The following PIP5K1C variants were observed in gnomAD, a reference collection of about 807,000 sequenced individuals.
PIP5K1C encodes the protein phosphatidylinositol-4-phosphate 5-kinase type 1 gamma, also known as phosphatidylinositol 4-phosphate 5-kinase type-1 gamma.
A neutral mutation model predicts 80.1 loss-of-function variants in PIP5K1C; 45 were observed. That is an observed-to-expected ratio of 0.56 (90% CI 0.44 to 0.72). The LOEUF (loss-of-function observed/expected upper bound fraction) is 0.72, where lower values mean the gene tolerates loss of function less well. PIP5K1C is among the 30% of genes least tolerant of loss of function. The pLI is 0.00. For synonymous variants in PIP5K1C, 498 were observed against 420.1 expected, an observed-to-expected ratio of 1.19 and a Z score of -2.27; for missense variants, 753 against 954.6, an observed-to-expected ratio of 0.79 and a Z score of 2.78.
At chr19:3,656,598 G>C in intron 5 of PIP5K1C, 41 bp from the exon 6 acceptor site, 1 of 1,609,726 alleles carries the variant, frequency 6.2e-7, no homozygotes, top group Non-Finnish European at 8.5e-7. Context: ...CCAAGCTGCC[G>C]GACACACAGA....
At chr19:3,699,947 T>C (rs2036244947) in intron 1 of PIP5K1C, among the ~76,000 whole-genome samples, 1 of 151,936 alleles carries the variant, frequency 6.6e-6, no homozygotes. Flanking sequence ...CATCAGGAGG[T>C]GGGCACGCAC....
rs2036099451 is a variant in PIP5K1C at position 3,696,308 on chromosome 19, G to C, written c.94+3989C>G. Among the ~76,000 whole-genome samples the C allele has an allele frequency of 1.3e-5, 2 of 152,236 alleles. No individual in the cohort carries two copies. Among genetic ancestry groups the C allele is most frequent in the Admixed American group, 1.3e-4 (2 of 15,294 alleles). On this transcript the variant is annotated intron_variant, in intron 1 of 17. Coordinates refer to ENST00000335312, the MANE Select transcript of PIP5K1C (RefSeq NM_012398.3). This position sits in a 1 kb window ranked among gnomAD's most constrained non-coding sequence, Gnocchi z 4.1. ...TTCACCAGGATCTGCACTGTGCTGA[G>C]CTCTTCCGGGCGCAGGGGATGCCGC... is the stretch of plus-strand genomic sequence containing the variant.
Position 3,637,207 on chromosome 19 carries a change from G to C in PIP5K1C, c.1920+1677C>G. 4.9e-6 allele frequency: 7 copies of C among 1,434,572 alleles called. No individual in the cohort carries two copies. Among genetic ancestry groups the C allele is most frequent in the East Asian group, 2.5e-5 (1 of 39,822 alleles). 88.9% of individuals were successfully genotyped at this position (1,434,572 alleles called of 1,614,324 possible). ...CCACCCAAGACACCCTGACACGAGA[G>C]GGCTGGGTCCAGGGGCAGAGAGGGG... is the stretch of plus-strand genomic sequence containing the variant. On this transcript the variant is annotated intron_variant, in intron 16 of 17. Coordinates refer to ENST00000335312, the MANE Select transcript of PIP5K1C (RefSeq NM_012398.3). This position sits in a 1 kb window ranked among gnomAD's most constrained non-coding sequence, Gnocchi z 7.0.
chr19:3,651,786 A>G (rs913161966), intron 8 of PIP5K1C, 40 bp downstream of exon 8: 1 of 1,580,536 alleles, frequency 6.3e-7, no homozygotes, highest in African/African-American at 1.3e-5. Context: ...CCTGTGGGGA[A>G]GGGAAGCGGG....
chr19:3,648,810 G>A lies in PIP5K1C; in HGVS notation c.1128-102C>T, dbSNP rs2034341656. The A allele has an allele frequency of 1.0e-6, 1 of 986,194 alleles. No homozygotes were observed. The allele number at this position is 986,194 out of a possible 1,614,324, so 61.1% of individuals were successfully genotyped here. ...GGCTAGGGAGTCCATCTGCTCCTGT[G>A]GGTGGCAACTTGGCCAAGCTCTCGG... On this transcript the variant is annotated intron_variant, in intron 8 of 17. Coordinates refer to ENST00000335312, the MANE Select transcript of PIP5K1C (RefSeq NM_012398.3). This position sits in a 1 kb window ranked among gnomAD's most constrained non-coding sequence, Gnocchi z 4.3.
chr19:3,684,430 C>T (rs2035688317), intron 1 of PIP5K1C, among the ~76,000 whole-genome samples: 1 of 152,360 alleles, frequency 6.6e-6, no homozygotes, highest in South Asian at 2.1e-4. Flanking sequence ...TGGCCAATCA[C>T]ATGATGCAGA....
chr19:3,655,529 C>T (rs1467700342), intron 6 of PIP5K1C, among the ~76,000 whole-genome samples: 2 of 152,256 alleles, frequency 1.3e-5, no homozygotes, highest in Non-Finnish European at 2.9e-5. Context: ...CGTATGGGCA[C>T]ATGGCCGCGC....
chr19:3,671,331 G>A (rs2035198936), intron 1 of PIP5K1C, among the ~76,000 whole-genome samples: 1 of 152,274 alleles, frequency 6.6e-6, no homozygotes, highest in Non-Finnish European at 1.5e-5. Context: ...GGGACCCAGT[G>A]GATGCAGTGA....
At chr19:3,676,879 G>A (rs920154504) in intron 1 of PIP5K1C, among the ~76,000 whole-genome samples, 2 of 151,868 alleles carry the variant, frequency 1.3e-5, no homozygotes, top group Non-Finnish European at 2.9e-5. Flanking sequence ...GCAGGAGGAC[G>A]GCTTGAGCCC....
chr19:3,634,027 G>A (rs1360980689), intron 16 of PIP5K1C, among the ~76,000 whole-genome samples: 1 of 152,122 alleles, frequency 6.6e-6, no homozygotes, highest in Admixed American at 6.5e-5. Context: ...CCTGCGGGCA[G>A]GGCCAGTCCC....
At chr19:3,677,348 C>T (rs1002857697) in intron 1 of PIP5K1C, among the ~76,000 whole-genome samples, 2 of 151,716 alleles carry the variant, frequency 1.3e-5, no homozygotes, top group African/African-American at 2.4e-5. Flanking sequence ...TTTGGGAGGC[C>T]GAGGCAGGCG....
intron 1 of PIP5K1C, among the ~76,000 whole-genome samples, chr19:3,684,512 G>C (rs993239074): frequency 6.6e-6 from 1 of 152,244 alleles, no homozygotes; most frequent in African/African-American, 2.4e-5. Flanking sequence ...CTGGGGCCAG[G>C]CTGGAGGGTG....
intron 10 of PIP5K1C, 73 bp from the exon 11 acceptor site, chr19:3,646,131 G>C: frequency 1.1e-6 from 1 of 907,386 alleles, no homozygotes; most frequent in Non-Finnish European, 1.9e-6. Flanking sequence ...GCCCCAGACA[G>C]ACGCTGTATG....
Position 3,633,113 on chromosome 19 carries a change from G to A in PIP5K1C, c.*54C>T. ...CTCAGCGGGGTGGGCAGCGCCTTCGGGGGCAGCCGGAGCAGAAGTGGAGCT... is the reference window on the plus strand; with the variant it reads ...CTCAGCGGGGTGGGCAGCGCCTTCGAGGGCAGCCGGAGCAGAAGTGGAGCT... On this transcript the variant is annotated 3_prime_UTR_variant, in exon 18 of 18. Coordinates refer to ENST00000335312, the MANE Select transcript of PIP5K1C (RefSeq NM_012398.3). The A allele has an allele frequency of 1.4e-6, 1 of 740,174 alleles. No homozygotes were observed. Among genetic ancestry groups the A allele is most frequent in the Non-Finnish European group, 2.5e-6 (1 of 398,516 alleles). 45.9% of individuals were successfully genotyped at this position (740,174 alleles called of 1,614,324 possible). A position where few individuals can be genotyped will look rare whatever the true frequency, so the allele number is the denominator to read the frequency against.
At chr19:3,639,056 C>G in intron 15 of PIP5K1C, 40 bp from the exon 16 acceptor site, 2 of 1,604,166 alleles carry the variant, frequency 1.2e-6, no homozygotes, top group Non-Finnish European at 1.7e-6. Context: ...ACCCTCAGGC[C>G]CCACACGGAG....
intron 5 of PIP5K1C, among the ~76,000 whole-genome samples, chr19:3,657,916 C>G (rs1211261719): frequency 6.6e-6 from 1 of 151,932 alleles, no homozygotes; most frequent in Non-Finnish European, 1.5e-5. Context: ...ACCTGGGCAA[C>G]AGAGCAAGAG....
intron 2 of PIP5K1C, among the ~76,000 whole-genome samples, chr19:3,666,456 G>A (rs2035011354): frequency 6.6e-6 from 1 of 152,254 alleles, no homozygotes; most frequent in African/African-American, 2.4e-5. Context: ...TGTACATGCA[G>A]ATGTGCACAC....
intron 15 of PIP5K1C, 102 bp from the exon 16 acceptor site, chr19:3,639,118 C>A: frequency 7.1e-7 from 1 of 1,401,772 alleles, no homozygotes; most frequent in East Asian, 2.3e-5. Flanking sequence ...ACGGTCATCA[C>A]GGAGATGAAA....
intron 1 of PIP5K1C, among the ~76,000 whole-genome samples, chr19:3,694,161 G>A (rs1343485700): frequency 2.7e-5 from 4 of 148,290 alleles, no homozygotes; most frequent in Admixed American, 6.8e-5. Flanking sequence ...GCAGTGAGCC[G>A]AGAACGCGCC....
Sources: gnomAD v4.1 joint callset for allele counts (sites outside exome capture counted in the v4.1 genomes callset) on GRCh38, gnomAD v4.1.1 for gene constraint, Gnocchi (gnomAD v3.1) non-coding constraint, MANE v1.5 for transcripts, NCBI Gene and HGNC (gene_info 2026-07-23, HGNC 2026-07-21) for gene names.